Variants in DIAPH2 observed in about 807,000 individuals in gnomAD.
DIAPH2 encodes the protein diaphanous related formin 2.
A neutral mutation model predicts 92.7 loss-of-function variants in DIAPH2; 35 were observed. The ratio of observed to expected loss-of-function variants is 0.38; its 90% CI spans 0.29 to 0.50. The LOEUF is 0.50. Among genes scored for constraint, DIAPH2 ranks in the 20% least tolerant of loss-of-function variants. The probability of loss-of-function intolerance (pLI) is 0.94; values close to 1 mark genes in which losing one functional copy is unlikely to be tolerated. For synonymous variants in DIAPH2, 301 were observed against 280.4 expected (o/e 1.07, Z -0.73); for missense variants, 701 against 819.5 (o/e 0.86, Z 1.77).
chrX:97,582,580 C>T (rs1449464590), intron 26 of DIAPH2, among the ~76,000 whole-genome samples: 6 of 108,437 alleles, frequency 5.5e-5, no homozygotes, highest in African/African-American at 1.3e-4. Flanking sequence ...GAGGGTAACC[C>T]GACCTTTCTC....
chrX:97,338,357 A>G (rs2069083926), intron 23 of DIAPH2, among the ~76,000 whole-genome samples: 1 of 112,228 alleles, frequency 8.9e-6, no homozygotes, highest in Non-Finnish European at 1.9e-5. Context: ...ACATATTTTA[A>G]TATTATTTTT....
At chrX:97,081,404 G>T (rs770239024) in intron 19 of DIAPH2, among the ~76,000 whole-genome samples, 18 of 112,307 alleles carry the variant, frequency 1.6e-4, no homozygotes, top group African/African-American at 5.2e-4. Flanking sequence ...ATTAATGCCA[G>T]TATTTTCATT....
intron 4 of DIAPH2, among the ~76,000 whole-genome samples, chrX:96,770,777 GA>G (rs1282342029): frequency 8.9e-6 from 1 of 111,802 alleles, no homozygotes; most frequent in Non-Finnish European, 1.9e-5. Context: ...AATAAGACCT[GA>G]AACTATTTAA....
intron 25 of DIAPH2, among the ~76,000 whole-genome samples, chrX:97,428,330 G>A (rs1184244199): frequency 9.0e-6 from 1 of 110,505 alleles, no homozygotes; most frequent in Non-Finnish European, 1.9e-5. Flanking sequence ...AGGAGTTCGA[G>A]ACCAGCCTGA....
At chrX:96,961,471 A>AC (rs1265322495) in intron 16 of DIAPH2, among the ~76,000 whole-genome samples, 7 of 106,209 alleles carry the variant, frequency 6.6e-5, no homozygotes, top group Non-Finnish European at 1.2e-4. Context: ...AAAAAAAAAA[A>AC]ACCTAACTTT....
At chrX:97,220,402 C>T (rs2067915606) in intron 22 of DIAPH2, among the ~76,000 whole-genome samples, 1 of 110,084 alleles carries the variant, frequency 9.1e-6, no homozygotes, top group African/African-American at 3.3e-5. Context: ...TCTCAGATGA[C>T]CTTTAATGTC....
chrX:97,090,206 T>G (rs1329122971), intron 19 of DIAPH2, among the ~76,000 whole-genome samples: 1 of 111,540 alleles, frequency 9.0e-6, no homozygotes, highest in African/African-American at 3.2e-5. Flanking sequence ...AGGATTTCTT[T>G]GATTTCTACT....
At chrX:97,486,762 T>C (rs2070691265) in intron 26 of DIAPH2, among the ~76,000 whole-genome samples, 1 of 112,229 alleles carries the variant, frequency 8.9e-6, no homozygotes, top group Non-Finnish European at 1.9e-5. Context: ...TGTTTTTTGG[T>C]TGTAGGAAGA....
chrX:96,743,751 TTAGA>T (rs1391601058), intron 3 of DIAPH2, among the ~76,000 whole-genome samples: 2 of 111,347 alleles, frequency 1.8e-5, no homozygotes, highest in Non-Finnish European at 3.8e-5. Context: ...AAAATTTCAG[TTAGA>T]TAGAGGAATA....
chrX:96,754,238 C>A (rs1189100696), intron 3 of DIAPH2, among the ~76,000 whole-genome samples: 2 of 112,014 alleles, frequency 1.8e-5, no homozygotes, highest in African/African-American at 3.2e-5. Context: ...ACCTTTCCAT[C>A]TGCCCTGTGT....
chrX:97,547,537 T>C (rs770257300), intron 26 of DIAPH2, among the ~76,000 whole-genome samples: 1 of 112,149 alleles, frequency 8.9e-6, no homozygotes, highest in East Asian at 2.8e-4. Flanking sequence ...TAACAAAAGA[T>C]GTTGAAGTCT....
chrX:96,919,011 A>T (rs2065523827), intron 9 of DIAPH2, among the ~76,000 whole-genome samples: 1 of 112,033 alleles, frequency 8.9e-6, no homozygotes, highest in Non-Finnish European at 1.9e-5. Flanking sequence ...TTCAGACAAT[A>T]TTCAAAGGTG....
At chrX:97,148,613 C>T (rs2067263053) in intron 22 of DIAPH2, among the ~76,000 whole-genome samples, 1 of 110,903 alleles carries the variant, frequency 9.0e-6, no homozygotes, top group African/African-American at 3.3e-5. Context: ...GCCATACCAA[C>T]CTGAATGCAC....
chrX:96,954,196 C>A (rs774617152), intron 15 of DIAPH2: 1 of 111,943 alleles, frequency 8.9e-6, no homozygotes, highest in African/African-American at 3.2e-5. Context: ...TCATGGCTGC[C>A]TTGGCTGCCT....
intron 24 of DIAPH2, among the ~76,000 whole-genome samples, chrX:97,374,827 T>TA (rs889248284): frequency 2.4e-4 from 27 of 112,073 alleles, no homozygotes; most frequent in Non-Finnish European, 4.7e-4. Context: ...CTGAAAATTC[T>TA]AAAGACTCAT....
chrX:97,451,430 GT>G (rs1225655478), intron 26 of DIAPH2, among the ~76,000 whole-genome samples: 1 of 111,392 alleles, frequency 9.0e-6, no homozygotes, highest in African/African-American at 3.3e-5. Flanking sequence ...GGGAAGCATT[GT>G]TTTGGTGCAG....
Position 96,970,383 on chromosome X carries a change from T to C in DIAPH2, c.2050+5176T>C, listed in dbSNP as rs1202243790. Among the ~76,000 whole-genome samples the C allele has an allele frequency of 1.1e-4, 11 of 104,185 alleles. No homozygotes were observed. The South Asian group carries it at 3.9e-3, about 37-fold the overall frequency. 90.5% of individuals were successfully genotyped at this position (104,185 alleles called of 115,157 possible). ...TTTGTTTGTTTGTTTGTTTTTGTCA[T>C]TTTTTTTTAATTTAAATTACTGATT... On this transcript the variant is annotated intron_variant, in intron 17 of 26. Transcript: ENST00000324765.
intron 17 of DIAPH2, among the ~76,000 whole-genome samples, chrX:97,050,825 A>G (rs754424768): frequency 4.5e-5 from 5 of 111,758 alleles, no homozygotes; most frequent in African/African-American, 1.3e-4. Context: ...ATGAATATCT[A>G]TACATTCATT....
chrX:97,028,528 G>A (rs1467550351), intron 17 of DIAPH2, among the ~76,000 whole-genome samples: 2 of 111,838 alleles, frequency 1.8e-5, no homozygotes, highest in Admixed American at 1.9e-4. Context: ...GTCTATTCTG[G>A]ACATTTCATA....
Sources: allele counts gnomAD v4.1 joint callset (sites outside exome capture counted in the v4.1 genomes callset), GRCh38; gene constraint gnomAD v4.1.1; transcripts MANE v1.5; gene names NCBI Gene and HGNC (gene_info 2026-07-23, HGNC 2026-07-21).